Variants in LCOR observed in about 807,000 individuals in gnomAD.
LCOR encodes ligand-dependent corepressor.
LCOR carries 14 observed loss-of-function variants against 64.4 expected under a neutral mutation model. The observed-to-expected ratio is 0.22, with a 90% CI of 0.14 to 0.34. The LOEUF (loss-of-function observed/expected upper bound fraction) is 0.34, where lower values mean the gene tolerates loss of function less well. LCOR is among the 10% of genes least tolerant of loss of function. The pLI is 1.00. For missense variants in LCOR, 1,686 were observed against 1,765.3 expected, an observed-to-expected ratio of 0.96 and a Z score of 0.80; for synonymous variants, 643 against 642.5, an observed-to-expected ratio of 1.00 and a Z score of -0.01.
At position 96,832,317 on chromosome 10, in the gene LCOR, T is replaced by C; in HGVS notation, c.-486T>C. 1.0e-6 allele frequency: 1 copy of C among 983,338 alleles called. No homozygotes were observed. Among genetic ancestry groups the C allele is most frequent in the Non-Finnish European group, 1.2e-6 (1 of 829,148 alleles). 60.9% of individuals were successfully genotyped at this position (983,338 alleles called of 1,614,324 possible). A position where few individuals can be genotyped will look rare whatever the true frequency, so the allele number is the denominator to read the frequency against. ...GGCGGCAGAAGATGGCGAGGGTGTG[T>C]AGGCGGCAGCAATGCTCCGTTGAGA... On this transcript the variant is annotated 5_prime_UTR_variant, in exon 1 of 8. Transcript: ENST00000421806.
chr10:96,834,692 G>T (rs1845410965), intron 2 of LCOR, among the ~76,000 whole-genome samples: 1 of 152,064 alleles, frequency 6.6e-6, no homozygotes, highest in African/African-American at 2.4e-5. Flanking sequence ...GTCTTTGAAA[G>T]ATTTTTAAAT....
chr10:96,988,677 C>G lies in LCOR; in HGVS notation c.*3543C>G, dbSNP rs1848169416. 1 of 152,134 alleles carries G rather than the reference C, an allele frequency of 6.6e-6. No individual in the cohort carries two copies. The highest frequency in any genetic ancestry group is 6.5e-5 in the Admixed American group (1 of 15,268). 9.4% of individuals were successfully genotyped at this position (152,134 alleles called of 1,614,324 possible). On this transcript the variant is annotated 3_prime_UTR_variant, in exon 8 of 8. Coordinates refer to ENST00000421806, the MANE Select transcript of LCOR (RefSeq NM_001346516.2). Reference sequence around the variant, plus strand: ...GCAGCATTCCTGTTGATTAGTGGACCTAAGAGCCAAGTAGGAAAATATAGC... The same window carrying G: ...GCAGCATTCCTGTTGATTAGTGGACGTAAGAGCCAAGTAGGAAAATATAGC...
chr10:96,832,793 G>A (rs1845365459), intron 1 of LCOR, among the ~76,000 whole-genome samples: 3 of 150,472 alleles, frequency 2.0e-5, no homozygotes, highest in Admixed American at 6.6e-5. Flanking sequence ...CGCTGCCGCT[G>A]TACTGGGGGA....
At chr10:96,966,056 C>A (rs12241405) in intron 7 of LCOR, among the ~76,000 whole-genome samples, 21,128 of 151,650 alleles carry the variant, frequency 0.14, 2,006 homozygotes, top group African/African-American at 0.26. Context: ...CTGGAATTTT[C>A]TCTGATTCTG....
chr10:96,889,867 C>T (rs1025866460), intron 2 of LCOR, among the ~76,000 whole-genome samples: 18 of 152,140 alleles, frequency 1.2e-4, no homozygotes, highest in Non-Finnish European at 2.9e-5. Context: ...CTGCTGTGAA[C>T]ATTCATGTAT....
At chr10:96,861,107 T>C (rs1353053682) in intron 2 of LCOR, among the ~76,000 whole-genome samples, 1 of 152,234 alleles carries the variant, frequency 6.6e-6, no homozygotes, top group East Asian at 1.9e-4. Flanking sequence ...TTTTGGTTTC[T>C]AATTTATAGA....
chr10:96,865,874 C>CA (rs57814101), intron 2 of LCOR, among the ~76,000 whole-genome samples: 5,402 of 88,350 alleles, frequency 0.061, 197 homozygotes, highest in African/African-American at 0.11. Flanking sequence ...GACTCTGTCT[C>CA]AAAAAAAAAA....
At chr10:96,890,112 GT>G (rs141359401) in intron 2 of LCOR, among the ~76,000 whole-genome samples, 5,108 of 151,606 alleles carry the variant, frequency 0.034, 117 homozygotes, top group Non-Finnish European at 0.055. Flanking sequence ...GTTTTGTTTT[GT>G]TTTGTTTGAG....
intron 6 of LCOR, among the ~76,000 whole-genome samples, chr10:96,950,405 T>A (rs531273016): frequency 6.6e-6 from 1 of 152,162 alleles, no homozygotes; most frequent in Non-Finnish European, 1.5e-5. Context: ...TTTACAAAGT[T>A]GTATCTTTTA....
At chr10:96,921,431 G>A (rs570618358) in intron 4 of LCOR, among the ~76,000 whole-genome samples, 44 of 151,984 alleles carry the variant, frequency 2.9e-4, no homozygotes, top group Admixed American at 9.8e-4. Flanking sequence ...TACGGTGTAC[G>A]GCAAGGATCC....
intron 4 of LCOR, among the ~76,000 whole-genome samples, chr10:96,920,991 C>G (rs1320497441): frequency 6.6e-6 from 1 of 151,558 alleles, no homozygotes; most frequent in Non-Finnish European, 1.5e-5. Flanking sequence ...GGAGATGGGG[C>G]CTTGTCATGT....
intron 2 of LCOR, among the ~76,000 whole-genome samples, chr10:96,887,524 C>G (rs956083054): frequency 1.3e-5 from 2 of 151,034 alleles, no homozygotes; most frequent in Non-Finnish European, 2.9e-5. Flanking sequence ...GATCACGCCA[C>G]TGCACTCCAG....
chr10:96,979,116 G>A (rs559138426), intron 7 of LCOR, among the ~76,000 whole-genome samples: 5 of 152,324 alleles, frequency 3.3e-5, no homozygotes, highest in African/African-American at 1.2e-4. Context: ...GGTGATGTGG[G>A]TTGTCTAGGG....
rs1331840477 is a variant in LCOR at position 96,988,682 on chromosome 10, A to G, written c.*3548A>G. The G allele has an allele frequency of 6.6e-6, 1 of 152,206 alleles. No homozygotes were observed. Among genetic ancestry groups the G allele is most frequent in the Non-Finnish European group, 1.5e-5 (1 of 68,032 alleles). The allele number at this position is 152,206 out of a possible 1,614,324, so 9.4% of individuals were successfully genotyped here. ...ATTCCTGTTGATTAGTGGACCTAAG[A>G]GCCAAGTAGGAAAATATAGCATGCT... is the stretch of plus-strand genomic sequence containing the variant. On this transcript the variant is annotated 3_prime_UTR_variant, in exon 8 of 8. Coordinates refer to ENST00000421806, the MANE Select transcript of LCOR (RefSeq NM_001346516.2).
Position 96,902,628 on chromosome 10 carries a change from A to G in LCOR, c.-329-4637A>G, listed in dbSNP as rs572605001. Among the ~76,000 whole-genome samples, 15 of 152,290 alleles carry G rather than the reference A, an allele frequency of 9.8e-5. No homozygotes were observed. The South Asian group carries it at 1.9e-3, about 19-fold the overall frequency. On this transcript the variant is annotated intron_variant, in intron 2 of 7. Transcript: ENST00000421806. Reference sequence around the variant, plus strand: ...TTCTAAAATTATTACCACAATTACTATTGCACCAACCCAATACTTTCACTT... The same window carrying G: ...TTCTAAAATTATTACCACAATTACTGTTGCACCAACCCAATACTTTCACTT...
intron 2 of LCOR, among the ~76,000 whole-genome samples, chr10:96,872,950 T>G (rs531935084): frequency 5.0e-4 from 76 of 152,102 alleles, no homozygotes; most frequent in African/African-American, 1.7e-3. Context: ...TACTGTAGTA[T>G]TATATGACAG....
intron 2 of LCOR, among the ~76,000 whole-genome samples, chr10:96,862,835 C>T (rs1367127362): frequency 6.6e-6 from 1 of 151,994 alleles, no homozygotes; most frequent in African/African-American, 2.4e-5. Flanking sequence ...CAGAATATCA[C>T]AAGTATCTTT....
chr10:96,946,743 C>A (rs1037726348), intron 5 of LCOR, among the ~76,000 whole-genome samples: 15 of 152,062 alleles, frequency 9.9e-5, no homozygotes, highest in Non-Finnish European at 5.9e-5. Context: ...ACTGTGTTTT[C>A]ATTCAATAAA....
At chr10:96,837,260 G>C (rs1028529437) in intron 2 of LCOR, among the ~76,000 whole-genome samples, 4 of 151,908 alleles carry the variant, frequency 2.6e-5, no homozygotes, top group Non-Finnish European at 4.4e-5. Context: ...AAAGTGCTGG[G>C]ATTACAGGCA....
Sources: gnomAD v4.1 joint callset for allele counts (sites outside exome capture counted in the v4.1 genomes callset) on GRCh38, gnomAD v4.1.1 for gene constraint, MANE v1.5 for transcripts, NCBI Gene and HGNC (gene_info 2026-07-23, HGNC 2026-07-21) for gene names.